MIDEAS: variants seen among roughly 807,000 people sequenced by gnomAD.
The protein encoded by MIDEAS is mitotic deacetylase associated SANT domain protein.
MIDEAS carries 26 observed loss-of-function variants against 102.7 expected under a neutral mutation model. The ratio of observed to expected loss-of-function variants is 0.25; its 90% confidence interval spans 0.19 to 0.35. The LOEUF (loss-of-function observed/expected upper bound fraction) is 0.35, where lower values mean the gene tolerates loss of function less well. Ranked by LOEUF, MIDEAS falls within the 10% of genes least tolerant of loss-of-function variation. The probability of loss-of-function intolerance (pLI) is 1.00; values close to 1 mark genes in which losing one functional copy is unlikely to be tolerated. For synonymous variants in MIDEAS, 585 were observed against 591.0 expected (o/e 0.99, Z 0.15); for missense variants, 1,231 against 1,435.6 (o/e 0.86, Z 2.30).
chr14:73,764,176 C>A (rs2053574572), upstream of MIDEAS, among the ~76,000 whole-genome samples: 1 of 151,704 alleles, frequency 6.6e-6, no homozygotes, highest in African/African-American at 2.4e-5. Context: ...CCTGTCTCCA[C>A]CAAAAATACA....
intron 1 of MIDEAS, among the ~76,000 whole-genome samples, chr14:73,776,599 C>T (rs1258667248): frequency 6.6e-6 from 1 of 151,460 alleles, no homozygotes; most frequent in Non-Finnish European, 1.5e-5. Context: ...CCTCTTCCCA[C>T]ATCCAGAACA....
chr14:73,719,039 G>A, intron 12 of MIDEAS, 31 bp from the exon 13 acceptor site: 1 of 1,454,004 alleles, frequency 6.9e-7, no homozygotes, highest in Non-Finnish European at 9.0e-7. Context: ...CTCAGAACCG[G>A]CCTAGCCCAC....
Position 73,719,421 on chromosome 14 carries a change from C to T in MIDEAS, c.3018G>A (p.Arg1006=), listed in dbSNP as rs976857251. 3.1e-6 allele frequency: 5 copies of T among 1,613,984 alleles called. No homozygotes were observed. The highest frequency in any genetic ancestry group is 4.2e-6 in the Non-Finnish European group (5 of 1,180,024). The change falls in exon 12 of 13, where the codon AGG becomes AGA. Residue 1006 remains arginine (R), a synonymous_variant. Transcript: ENST00000423556. ...CCCTTCGTGACTTCCCTGTCCCTTC[C>T]CTTGGCTTCTCCGAGGCCTGGCCAC... is the stretch of plus-strand genomic sequence containing the variant. ...SAGGQASEKP[R]EGTGKSRRAL...
rs566204148 is a variant in MIDEAS at position 73,739,562 on chromosome 14, C to T, written c.447G>A (p.Pro149=). Residue 149 remains proline, a synonymous_variant, in exon 2 of 13, where the codon CCG becomes CCA. Coordinates refer to ENST00000423556, the MANE Select transcript of MIDEAS (RefSeq NM_001367710.1). ...AAGTCGGGACTCCCACTCCAGGATG[C>T]GGGCTCCCCTTGGTTGCACTGTAGA... The part of the protein sequence containing the change: ...LSLYSATKGS[P]HPGVGVPTYY... 43 of 1,614,172 alleles carry T rather than the reference C, an allele frequency of 2.7e-5. No individual in the cohort carries two copies. The East Asian group carries it at 7.6e-4, about 28-fold the overall frequency.
At chr14:73,731,366 G>A (rs2053136972) in intron 3 of MIDEAS, among the ~76,000 whole-genome samples, 1 of 152,132 alleles carries the variant, frequency 6.6e-6, no homozygotes, top group Non-Finnish European at 1.5e-5. Context: ...TCCCTCTGAG[G>A]CTCTGGCCAT....
Position 73,784,552 on chromosome 14 carries a change from G to A in MIDEAS, c.-248+2550C>T, listed in dbSNP as rs549695946. 7.1e-4 allele frequency among the ~76,000 whole-genome samples: 108 copies of A among 152,226 alleles called. 1 individual carries two copies. Among genetic ancestry groups the A allele is most frequent in the Admixed American group, 6.9e-3 (105 of 15,296 alleles). On this transcript the variant is annotated intron_variant, in intron 1 of 11. Coordinates refer to the MIDEAS transcript ENST00000394071. ...CTTTTAGTCTCTGTAAATTCTACAC[G>A]AACACAAAGCACTGCAAACTCAAAG... is the stretch of plus-strand genomic sequence containing the variant.
Position 73,738,936 on chromosome 14 carries a change from C to T in MIDEAS, c.1073G>A (p.Ser358Asn). 1.3e-6 allele frequency: 2 copies of T among 1,527,522 alleles called. No homozygotes were observed. Among genetic ancestry groups the T allele is most frequent in the Non-Finnish European group, 1.8e-6 (2 of 1,139,572 alleles). The allele number at this position is 1,527,522 out of a possible 1,614,324, so 94.6% of individuals were successfully genotyped here. A position where few individuals can be genotyped will look rare whatever the true frequency, so the allele number is the denominator to read the frequency against. The change falls in exon 2 of 13, where the codon AGC (serine) becomes AAC (asparagine). Residue 358 changes from serine to asparagine, a missense_variant. Coordinates refer to ENST00000423556, the MANE Select transcript of MIDEAS (RefSeq NM_001367710.1). ...RLSKEGILPP[S>N]ALDGAGTQPG... is the part of the protein sequence containing the mutation. ...CTGGGTGCCAGCCCCATCCAGGGCG[C>T]TGGGAGGCAGGATACCCTCCTTAGA...
At position 73,724,529 on chromosome 14, in the gene MIDEAS, A is replaced by G. The variant is rs79199614; in HGVS notation, c.2574+743T>C. 17 of 152,388 alleles carry G rather than the reference A, an allele frequency of 1.1e-4. 1 individual carries two copies. The East Asian group carries it at 3.3e-3, about 29-fold the overall frequency. The allele number at this position is 152,388 out of a possible 1,614,324, so 9.4% of individuals were successfully genotyped here. On this transcript the variant is annotated intron_variant, in intron 9 of 12. Transcript: ENST00000423556. ...CCCAATCAGGGAATAGCGTGTTACT[A>G]AAACACAGCAAAGGACTCCTCACAA...
intron 1 of MIDEAS, among the ~76,000 whole-genome samples, chr14:73,749,035 A>G (rs1427373591): frequency 6.6e-6 from 1 of 152,190 alleles, no homozygotes; most frequent in African/African-American, 2.4e-5. Context: ...CATGAGAGAG[A>G]GAAAACACTC....
At chr14:73,740,830 G>A (rs766286671) in intron 1 of MIDEAS, among the ~76,000 whole-genome samples, 13 of 152,330 alleles carry the variant, frequency 8.5e-5, no homozygotes, top group Admixed American at 6.5e-4. Context: ...CATTCCCGAC[G>A]TGGCCACTCC....
chr14:73,740,453 T>A (rs1430864300), intron 1 of MIDEAS, among the ~76,000 whole-genome samples, 198 bp from the exon 2 acceptor site: 2 of 152,114 alleles, frequency 1.3e-5, no homozygotes, highest in Non-Finnish European at 2.9e-5. Flanking sequence ...GGCAGGAGAA[T>A]CAGCTGCATC....
In MIDEAS at chr14:73,760,153, G is replaced by C. The variant is rs944442021; in HGVS notation, c.-638C>G. 3 of 151,252 alleles carry C rather than the reference G, an allele frequency of 2.0e-5. No homozygotes were observed. The highest frequency in any genetic ancestry group is 4.4e-5 in the Non-Finnish European group (3 of 68,150). The allele number at this position is 151,252 out of a possible 1,614,324, so 9.4% of individuals were successfully genotyped here. A position where few individuals can be genotyped will look rare whatever the true frequency, so the allele number is the denominator to read the frequency against. ...TCACAGCTTGAAAAAAAAAAAAAGA[G>C]AGAGGGCGAGAGGCAACAGCGGAGG... On this transcript the variant is annotated 5_prime_UTR_variant, in exon 1 of 13. Transcript: ENST00000423556. The surrounding 1 kb of genome is among the most constrained non-coding windows in gnomAD (Gnocchi z 4.8).
rs754070841 is a variant in MIDEAS at position 73,719,117 on chromosome 14, G to T, written c.3135-109C>A. The T allele has an allele frequency of 1.1e-3, 1,660 of 1,459,354 alleles. 3 individuals carry two copies. The highest frequency in any genetic ancestry group is 1.4e-3 in the Non-Finnish European group (1,567 of 1,111,200). 90.4% of individuals were successfully genotyped at this position (1,459,354 alleles called of 1,614,324 possible). ...ACCTTCACCCCCACGCTGCACAGCC[G>T]CGGCCGGCCAGCTCGCGTCATTTTC... On this transcript the variant is annotated intron_variant, in intron 12 of 12. Coordinates refer to ENST00000423556, the MANE Select transcript of MIDEAS (RefSeq NM_001367710.1).
intron 1 of MIDEAS, among the ~76,000 whole-genome samples, chr14:73,766,619 G>A (rs573446134): frequency 1.4e-5 from 2 of 147,920 alleles, no homozygotes; most frequent in East Asian, 2.0e-4. Context: ...GTGCAATCTC[G>A]GCTCATTGCA....
Position 73,725,321 on chromosome 14 carries a change from T to G in MIDEAS, c.2525A>C (p.Asn842Thr). 6.2e-7 allele frequency: 1 copy of G among 1,614,160 alleles called. No homozygotes were observed. The highest frequency in any genetic ancestry group is 1.1e-5 in the South Asian group (1 of 91,088). Residue 842 changes from asparagine to threonine, a missense_variant, in exon 9 of 13, where the codon AAC becomes ACC. Physicochemically the swap from Asn to Thr is moderately conservative, Grantham distance 65. Transcript: ENST00000423556. This position sits in a 1 kb window ranked among gnomAD's most constrained non-coding sequence, Gnocchi z 4.1. ...CTTCTTGTAGATGGCAATGCCTTTG[T>G]TGAACAGCTTCCTCTCGGCCATCTT... is the stretch of plus-strand genomic sequence containing the variant. ...QWKMAERKLF[N>T]KGIAIYKKDF...
chr14:73,765,016 C>T (rs2053582930), upstream of MIDEAS, among the ~76,000 whole-genome samples: 1 of 152,246 alleles, frequency 6.6e-6, no homozygotes, highest in Admixed American at 6.5e-5. Flanking sequence ...CCAGCAGAGC[C>T]ACAGGACTGA....
intron 1 of MIDEAS, among the ~76,000 whole-genome samples, chr14:73,773,176 T>C (rs1017689074): frequency 3.3e-5 from 5 of 151,938 alleles, no homozygotes; most frequent in African/African-American, 1.2e-4. Flanking sequence ...CTTTGTGAGT[T>C]ACCCGGATTA....
chr14:73,769,032 C>A (rs1440656080), intron 1 of MIDEAS, among the ~76,000 whole-genome samples: 1 of 152,204 alleles, frequency 6.6e-6, no homozygotes, highest in African/African-American at 2.4e-5. Flanking sequence ...TCTCTGCTGG[C>A]CTCTGAGTGC....
chr14:73,727,528 T>C lies in MIDEAS; in HGVS notation c.2096-4A>G, dbSNP rs1318048602. 4.4e-6 allele frequency: 7 copies of C among 1,606,308 alleles called. No homozygotes were observed. The highest frequency in any genetic ancestry group is 2.2e-5 in the East Asian group (1 of 44,724). The stretch of plus-strand genomic sequence containing the variant: ...GGCGGGGTTACTTCAGCACTGTCTA[T>C]GGGACAAAGAGCAGGTTGATAAATA... On this transcript the variant is annotated splice_region_variant and splice_polypyrimidine_tract_variant and intron_variant, in intron 4 of 12. Coordinates refer to ENST00000423556, the MANE Select transcript of MIDEAS (RefSeq NM_001367710.1).
Sources: allele counts gnomAD v4.1 joint callset (sites outside exome capture counted in the v4.1 genomes callset), GRCh38; gene constraint gnomAD v4.1.1; non-coding constraint Gnocchi (gnomAD v3.1); transcripts MANE v1.5; gene names NCBI Gene and HGNC (gene_info 2026-07-23, HGNC 2026-07-21).